FRY: variants seen among roughly 807,000 people sequenced by gnomAD.
The protein encoded by FRY is protein furry homolog.
FRY carries 128 observed loss-of-function variants against 348.4 expected under a neutral mutation model. That is an observed-to-expected ratio of 0.37 (90% CI 0.32 to 0.43). FRY has a LOEUF of 0.43. Ranked by LOEUF, FRY falls within the 20% of genes least tolerant of loss-of-function variation. The probability of loss-of-function intolerance (pLI) is 1.00; values close to 1 mark genes in which losing one functional copy is unlikely to be tolerated. For missense variants in FRY, 2,736 were observed against 3,695.2 expected (o/e 0.74, Z 6.73); for synonymous variants, 1,370 against 1,374.7 (o/e 1.00, Z 0.08).
At chr13:32,283,095 C>T (rs914427172) in intron 58 of FRY, among the ~76,000 whole-genome samples, 18 of 151,280 alleles carry the variant, frequency 1.2e-4, no homozygotes, top group African/African-American at 3.9e-4. Flanking sequence ...GAGCTGAGAT[C>T]GCACCATTGC....
At chr13:32,201,414 G>T (rs2762034) in intron 29 of FRY, among the ~76,000 whole-genome samples, 61,868 of 152,028 alleles carry the variant, frequency 0.41, 12,783 homozygotes, top group Admixed American at 0.43. Flanking sequence ...GACTGTACAG[G>T]TTGTCTCCAT....
At chr13:32,107,763 T>C (rs1194972321) in intron 3 of FRY, among the ~76,000 whole-genome samples, 6 of 152,140 alleles carry the variant, frequency 3.9e-5, no homozygotes, top group South Asian at 2.1e-4. Flanking sequence ...CGCCCTGCCC[T>C]GAGGAGCCAG....
Position 32,262,372 on chromosome 13 carries a change from G to A in FRY, c.7676G>A (p.Cys2559Tyr). ...CCCATGGAGCTGCTCACCACAGCCT[G>A]TGACTCGACCCCTGCAGAACCTCAT... ...TNPMELLTTA[C>Y]DSTPAEPHSF... is the part of the protein sequence containing the mutation. The change falls in exon 53 of 61, where the codon TGT becomes TAT. Residue 2559 changes from cysteine to tyrosine, a missense_variant. This residue lies in a region of FRY where 789 missense variants were observed against 996.2 expected (regional missense o/e 0.79). Coordinates refer to ENST00000542859, the MANE Select transcript of FRY (RefSeq NM_023037.3). The A allele has an allele frequency of 3.7e-6, 6 of 1,613,784 alleles. No homozygotes were observed. Among genetic ancestry groups the A allele is most frequent in the Non-Finnish European group, 4.2e-6 (5 of 1,179,676 alleles).
rs1399999540 is a variant in FRY, at chr13:32,234,490, C to G, written c.5528-84C>G. The G allele has an allele frequency of 5.2e-5, 61 of 1,173,408 alleles. 1 individual carries two copies. Among genetic ancestry groups the G allele is most frequent in the South Asian group, 1.2e-5 (1 of 81,918 alleles). The allele number at this position is 1,173,408 out of a possible 1,614,324, so 72.7% of individuals were successfully genotyped here. A position where few individuals can be genotyped will look rare whatever the true frequency, so the allele number is the denominator to read the frequency against. On this transcript the variant is annotated intron_variant, in intron 41 of 60. Coordinates refer to ENST00000542859, the MANE Select transcript of FRY (RefSeq NM_023037.3). ...CTACAAGGTAGCCCTGTGCCGTTAG[C>G]CTGTTTTAAACTTAGAGGTAACTTT...
chr13:32,154,564 T>C (rs1405820916), intron 14 of FRY, among the ~76,000 whole-genome samples: 1 of 152,224 alleles, frequency 6.6e-6, no homozygotes, highest in East Asian at 1.9e-4. Flanking sequence ...TACTTTACCC[T>C]GTAAAGTGGG....
At chr13:32,280,695 A>G (rs997734535) in intron 58 of FRY, among the ~76,000 whole-genome samples, 1 of 152,262 alleles carries the variant, frequency 6.6e-6, no homozygotes, top group Non-Finnish European at 1.5e-5. Context: ...AAATTCTGTT[A>G]TATTCTCTGT....
At chr13:32,033,813 T>C (rs1318998239) in intron 1 of FRY, among the ~76,000 whole-genome samples, 2 of 152,210 alleles carry the variant, frequency 1.3e-5, no homozygotes, top group African/African-American at 4.8e-5. Flanking sequence ...AGTCCTTTCT[T>C]GAAAGAGGAA....
intron 11 of FRY, among the ~76,000 whole-genome samples, chr13:32,145,981 T>G (rs1880418922): frequency 6.6e-6 from 1 of 152,120 alleles, no homozygotes; most frequent in Non-Finnish European, 1.5e-5. Context: ...GAGAAGCCTA[T>G]TCTCCTCATG....
At chr13:32,208,102 T>C (rs547584033) in intron 31 of FRY, among the ~76,000 whole-genome samples, 4 of 152,236 alleles carry the variant, frequency 2.6e-5, no homozygotes, top group Admixed American at 6.5e-5. Flanking sequence ...GGACCAGACC[T>C]AGGGCTTCAC....
intron 14 of FRY, among the ~76,000 whole-genome samples, chr13:32,153,828 C>T (rs1182766997): frequency 6.6e-6 from 1 of 152,046 alleles, no homozygotes; most frequent in Non-Finnish European, 1.5e-5. Flanking sequence ...CCTCATTTTA[C>T]AGAAAGGAAG....
chr13:32,081,735 T>TA (rs1875507910), intron 2 of FRY, among the ~76,000 whole-genome samples: 1 of 152,252 alleles, frequency 6.6e-6, no homozygotes, highest in Non-Finnish European at 1.5e-5. Flanking sequence ...TGCCTACTTG[T>TA]AGGCCAGCAA....
At chr13:32,185,292 T>C (rs1882963481) in intron 26 of FRY, 144 bp downstream of exon 26, 2 of 726,010 alleles carry the variant, frequency 2.8e-6, no homozygotes, top group Non-Finnish European at 4.9e-6. Flanking sequence ...TACTAGGACA[T>C]ATATATGAGA....
At chr13:32,034,461 G>T (rs1054280287) in intron 1 of FRY, among the ~76,000 whole-genome samples, 1 of 152,182 alleles carries the variant, frequency 6.6e-6, no homozygotes, top group Non-Finnish European at 1.5e-5. Flanking sequence ...TGATTTGAAT[G>T]GAGGTGGGAA....
intron 2 of FRY, among the ~76,000 whole-genome samples, chr13:32,092,120 T>C (rs1041047952): frequency 4.6e-5 from 7 of 152,226 alleles, no homozygotes; most frequent in African/African-American, 1.7e-4. Context: ...ACTGCACTTC[T>C]ACCCCTTAAA....
rs1885739146 is a variant in FRY, at chr13:32,228,631, G to A, written c.5382G>A (p.Lys1794=). The A allele has an allele frequency of 6.2e-7, 1 of 1,614,118 alleles. No individual in the cohort carries two copies. The highest frequency in any genetic ancestry group is 8.5e-7 in the Non-Finnish European group (1 of 1,179,964). ...TAAETDEKAN[K]LIEFLTTRAF... is the part of the protein sequence containing the mutation. The stretch of plus-strand genomic sequence containing the variant: ...CTGAAACAGATGAGAAGGCAAACAA[G>A]CTCATTGAGTTTCTCACGACCAGGT... The change falls in exon 40 of 61, where the codon AAG becomes AAA. Residue 1794 remains lysine (K), a synonymous_variant. Transcript: ENST00000542859.
intron 36 of FRY, among the ~76,000 whole-genome samples, chr13:32,222,966 T>C (rs2138403999): frequency 7.0e-6 from 1 of 143,512 alleles, no homozygotes; most frequent in Non-Finnish European, 1.6e-5. Flanking sequence ...ATTGTGCTTT[T>C]TTTTTGAGAC....
Position 32,196,691 on chromosome 13 carries a change from A to G in FRY, c.3746+2394A>G, listed in dbSNP as rs1031393400. Among the ~76,000 whole-genome samples the G allele has an allele frequency of 6.6e-5, 10 of 152,194 alleles. No homozygotes were observed. In the East Asian group the frequency reaches 1.7e-3, roughly 26 times the overall value. On this transcript the variant is annotated intron_variant, in intron 29 of 60. Coordinates refer to ENST00000542859, the MANE Select transcript of FRY (RefSeq NM_023037.3). Reference sequence around the variant, plus strand: ...TTAGGAGATAGAAAGTCAGAACAGAACTTGAATAGGACCAAAGGAAATGAG... The same window carrying G: ...TTAGGAGATAGAAAGTCAGAACAGAGCTTGAATAGGACCAAAGGAAATGAG...
intron 29 of FRY, among the ~76,000 whole-genome samples, chr13:32,198,813 A>G (rs1040719931): frequency 6.6e-6 from 1 of 152,212 alleles, no homozygotes; most frequent in Non-Finnish European, 1.5e-5. Context: ...TAAAAATACA[A>G]GTTACAGAAA....
chr13:32,204,505 A>G (rs1403055840), intron 31 of FRY, among the ~76,000 whole-genome samples: 1 of 152,226 alleles, frequency 6.6e-6, no homozygotes, highest in African/African-American at 2.4e-5. Context: ...CTACCTTTTC[A>G]TTCAAGAATC....
Sources: gnomAD v4.1 joint callset for allele counts (sites outside exome capture counted in the v4.1 genomes callset) on GRCh38, gnomAD v4.1.1 for gene constraint, gnomAD v4.1.1 regional missense constraint, MANE v1.5 for transcripts, NCBI Gene and HGNC (gene_info 2026-07-23, HGNC 2026-07-21) for gene names.